OSGIN2: variants seen among roughly 807,000 people sequenced by gnomAD.
OSGIN2 encodes oxidative stress induced growth inhibitor family member 2.
OSGIN2 carries 19 observed loss-of-function variants against 53.8 expected under a neutral mutation model. The observed-to-expected ratio is 0.35, with a 90% CI of 0.25 to 0.52. The LOEUF (loss-of-function observed/expected upper bound fraction) is 0.52. Among genes scored for constraint, OSGIN2 ranks in the 20% least tolerant of loss-of-function variants. The pLI is 0.95. For synonymous variants in OSGIN2, 236 were observed against 236.0 expected, an observed-to-expected ratio of 1.00 and a Z score of 0.00; for missense variants, 520 against 662.7, an observed-to-expected ratio of 0.78 and a Z score of 2.36.
Position 89,927,662 on chromosome 8 carries a change from A to C in OSGIN2, c.*2130A>C, listed in dbSNP as rs1809376560. 1 of 152,238 alleles carries C rather than the reference A, an allele frequency of 6.6e-6. No individual in the cohort carries two copies. The highest frequency in any genetic ancestry group is 2.1e-4 in the South Asian group (1 of 4,838). 9.4% of individuals were successfully genotyped at this position (152,238 alleles called of 1,614,324 possible). On this transcript the variant is annotated 3_prime_UTR_variant, in exon 6 of 6. Transcript: ENST00000451899. Reference sequence around the variant, plus strand: ...ATTAGCAGATGTTGAAAGACCGTTTACAAAGCAGAATTTGGGGATTTAAAG... The same window carrying C: ...ATTAGCAGATGTTGAAAGACCGTTTCCAAAGCAGAATTTGGGGATTTAAAG...
intron 1 of OSGIN2, 23 bp downstream of exon 1, chr8:89,902,860 G>T: frequency 7.3e-7 from 1 of 1,367,416 alleles, no homozygotes. Flanking sequence ...CCGGGGATGG[G>T]AGGGGAGCAG....
chr8:89,919,367 G>C (rs531217491), intron 4 of OSGIN2, among the ~76,000 whole-genome samples: 102 of 152,316 alleles, frequency 6.7e-4, no homozygotes, highest in African/African-American at 2.4e-3. Context: ...TCCACTCCTA[G>C]TAAAGTCACT....
upstream of OSGIN2, chr8:89,902,419 C>T (rs1808735957): frequency 6.6e-6 from 1 of 152,160 alleles, no homozygotes; most frequent in East Asian, 1.9e-4. Context: ...CTCCATCAGG[C>T]CCGGCCCCTC....
At position 89,902,601 on chromosome 8, in the gene OSGIN2, C is replaced by T. The variant is rs1362015612; in HGVS notation, c.-193C>T. The T allele has an allele frequency of 1.3e-5, 2 of 154,592 alleles. No homozygotes were observed. Among genetic ancestry groups the T allele is most frequent in the Non-Finnish European group, 2.8e-5 (2 of 70,194 alleles). The allele number at this position is 154,592 out of a possible 1,614,324, so 9.6% of individuals were successfully genotyped here. On this transcript the variant is annotated 5_prime_UTR_variant, in exon 1 of 6. Transcript: ENST00000451899. ...CGCCTGGCTCCCTGCAGGCGAGGAG[C>T]GGAAGCCGCTATCTGGAGGCGGACT...
chr8:89,920,553 T>C (rs1316819879), intron 4 of OSGIN2, among the ~76,000 whole-genome samples: 1 of 152,182 alleles, frequency 6.6e-6, no homozygotes, highest in Admixed American at 6.5e-5. Flanking sequence ...TATTTCTGTA[T>C]CCTTAAGAAG....
rs1009828236 is a variant in OSGIN2 at position 89,926,268 on chromosome 8, C to G, written c.*736C>G. 1.3e-5 allele frequency: 2 copies of G among 152,468 alleles called. No individual in the cohort carries two copies. The highest frequency in any genetic ancestry group is 4.8e-5 in the African/African-American group (2 of 41,372). 9.4% of individuals were successfully genotyped at this position (152,468 alleles called of 1,614,324 possible). On this transcript the variant is annotated 3_prime_UTR_variant, in exon 6 of 6. Coordinates refer to ENST00000451899, the MANE Select transcript of OSGIN2 (RefSeq NM_001126111.3). ...ATATTCTTCTAATAATTTAAACAGT[C>G]CAATAATGTGGTATACACTTTGACA... is the stretch of plus-strand genomic sequence containing the variant.
At position 89,925,256 on chromosome 8, in the gene OSGIN2, T is replaced by C. The variant is rs1809297615; in HGVS notation, c.1374T>C (p.Gly458=). The part of the protein sequence containing the change: ...FKLSAAVVLI[G]SHPNLSFLKD... ...TGTCTGCAGCAGTAGTATTGATAGG[T>C]TCTCATCCTAATCTGTCTTTTCTGA... Residue 458 remains glycine (G), a synonymous_variant, in exon 6 of 6, where the codon GGT becomes GGC. Transcript: ENST00000451899. 2.5e-6 allele frequency: 4 copies of C among 1,614,066 alleles called. No homozygotes were observed. The highest frequency in any genetic ancestry group is 3.4e-6 in the Non-Finnish European group (4 of 1,180,024).
chr8:89,919,491 G>T (rs1243973874), intron 4 of OSGIN2, among the ~76,000 whole-genome samples: 1 of 152,162 alleles, frequency 6.6e-6, no homozygotes, highest in Non-Finnish European at 1.5e-5. Flanking sequence ...AAATCACATT[G>T]TTAGGATAAA....
intron 2 of OSGIN2, among the ~76,000 whole-genome samples, chr8:89,910,387 A>G (rs1808943005): frequency 6.6e-6 from 1 of 152,196 alleles, no homozygotes; most frequent in African/African-American, 2.4e-5. Flanking sequence ...GAATTCAGAC[A>G]AGGAATATAG....
At chr8:89,912,615 G>A (rs920594370) in intron 2 of OSGIN2, among the ~76,000 whole-genome samples, 1 of 151,910 alleles carries the variant, frequency 6.6e-6, no homozygotes. Context: ...GTGTGGTGTC[G>A]TGTACCTCTA....
At chr8:89,908,963 C>CT (rs1218582240) in intron 1 of OSGIN2, among the ~76,000 whole-genome samples, 1 of 122,796 alleles carries the variant, frequency 8.1e-6, no homozygotes, top group Non-Finnish European at 1.6e-5. Flanking sequence ...GTGAGCCATG[C>CT]TTGCGCCATT....
At chr8:89,902,900 G>T in intron 1 of OSGIN2, 63 bp downstream of exon 1, 1 of 1,204,636 alleles carries the variant, frequency 8.3e-7, no homozygotes. Flanking sequence ...GAGCTTTTTG[G>T]CCTGGCCCGG....
chr8:89,913,653 C>G (rs1586002719), intron 2 of OSGIN2, among the ~76,000 whole-genome samples: 1 of 152,150 alleles, frequency 6.6e-6, no homozygotes, highest in East Asian at 1.9e-4. Context: ...AACTGATTAA[C>G]TTAGAAGTTT....
chr8:89,912,583 T>TA (rs1425030256), intron 2 of OSGIN2, among the ~76,000 whole-genome samples: 44 of 151,918 alleles, frequency 2.9e-4, no homozygotes, highest in Admixed American at 9.2e-4. Flanking sequence ...CCGTCTCTAC[T>TA]AAAAATACAA....
intron 2 of OSGIN2, among the ~76,000 whole-genome samples, chr8:89,911,846 G>C (rs1196962291): frequency 6.6e-6 from 1 of 151,950 alleles, no homozygotes; most frequent in South Asian, 2.1e-4. Flanking sequence ...GCTGAGGCAG[G>C]AGAATGGTGT....
chr8:89,927,407 A>G lies in OSGIN2; in HGVS notation c.*1875A>G, dbSNP rs1256370166. On this transcript the variant is annotated 3_prime_UTR_variant, in exon 6 of 6. Coordinates refer to ENST00000451899, the MANE Select transcript of OSGIN2 (RefSeq NM_001126111.3). ...ATTTCCTGAGTTCTTCCTCAATCCAAGCTGTCCTGTGTAGTATATAACATT... is the reference window on the plus strand; with the variant it reads ...ATTTCCTGAGTTCTTCCTCAATCCAGGCTGTCCTGTGTAGTATATAACATT... 6.6e-6 allele frequency: 1 copy of G among 152,160 alleles called. No homozygotes were observed. The highest frequency in any genetic ancestry group is 6.5e-5 in the Admixed American group (1 of 15,278). The allele number at this position is 152,160 out of a possible 1,614,324, so 9.4% of individuals were successfully genotyped here.
chr8:89,921,259 G>A (rs1021203551), intron 5 of OSGIN2, 88 bp downstream of exon 5: 3 of 729,072 alleles, frequency 4.1e-6, no homozygotes, highest in African/African-American at 3.5e-5. Flanking sequence ...TTTTGTCATG[G>A]CTGAAGAATA....
chr8:89,903,068 A>G (rs1167874233), intron 1 of OSGIN2, among the ~76,000 whole-genome samples: 1 of 152,196 alleles, frequency 6.6e-6, no homozygotes, highest in African/African-American at 2.4e-5. Flanking sequence ...CGCGCGGGTC[A>G]CGGGACTGCG....
In OSGIN2 at chr8:89,925,032, T is replaced by G; in HGVS notation, c.1150T>G (p.Leu384Val). 6.2e-7 allele frequency: 1 copy of G among 1,613,766 alleles called. No homozygotes were observed. ...VFRRRVTDPS[L>V]IFKQLPKKLY... ...TCGCAGACGAGTAACTGATCCAAGCTTAATTTTCAAACAGCTTCCCAAAAA... is the reference window on the plus strand; with the variant it reads ...TCGCAGACGAGTAACTGATCCAAGCGTAATTTTCAAACAGCTTCCCAAAAA... The change falls in exon 6 of 6, where the codon TTA (leucine) becomes GTA (valine). Residue 384 changes from leucine (L) to valine (V), a missense_variant. Physicochemically the swap from Leu to Val is conservative, Grantham distance 32. This residue lies in a region of OSGIN2 where 239 missense variants were observed against 328.3 expected (regional missense o/e 0.73). Coordinates refer to ENST00000451899, the MANE Select transcript of OSGIN2 (RefSeq NM_001126111.3).
Sources: allele counts gnomAD v4.1 joint callset (sites outside exome capture counted in the v4.1 genomes callset), GRCh38; gene constraint gnomAD v4.1.1; regional missense constraint gnomAD v4.1.1; transcripts MANE v1.5; gene names NCBI Gene and HGNC (gene_info 2026-07-23, HGNC 2026-07-21).